The following RARB variants were observed in gnomAD, a reference collection of about 807,000 sequenced individuals.
RARB encodes the protein retinoic acid receptor beta, also known as HBV-activated protein.
RARB carries 17 observed loss-of-function variants against 51.9 expected under a neutral mutation model. That is an observed-to-expected ratio of 0.33 (90% confidence interval 0.22 to 0.49). The LOEUF (loss-of-function observed/expected upper bound fraction) is 0.49, where lower values mean the gene tolerates loss of function less well. Among genes scored for constraint, RARB ranks in the 20% least tolerant of loss-of-function variants. The probability of loss-of-function intolerance (pLI) is 0.99; values close to 1 mark genes in which losing one functional copy is unlikely to be tolerated. For synonymous variants in RARB, 215 were observed against 195.4 expected (o/e 1.10, Z -0.84); for missense variants, 369 against 550.8 (o/e 0.67, Z 3.30).
intron 3 of RARB, among the ~76,000 whole-genome samples, chr3:25,091,730 T>C (rs1699202944): frequency 6.6e-6 from 1 of 152,150 alleles, no homozygotes; most frequent in Non-Finnish European, 1.5e-5. Flanking sequence ...AACTGAAATG[T>C]GAACATCTGT....
intron 5 of RARB, among the ~76,000 whole-genome samples, chr3:25,227,842 C>T (rs1358565643): frequency 6.6e-6 from 1 of 152,060 alleles, no homozygotes; most frequent in Non-Finnish European, 1.5e-5. Flanking sequence ...GTTCCATTAT[C>T]CCAGCCAGGT....
intron 3 of RARB, among the ~76,000 whole-genome samples, chr3:25,550,269 G>A (rs1217148351): frequency 6.6e-6 from 1 of 152,188 alleles, no homozygotes; most frequent in Non-Finnish European, 1.5e-5. Flanking sequence ...AGGAAAAGGA[G>A]TATGTGTGTC....
intron 2 of RARB, among the ~76,000 whole-genome samples, chr3:25,010,217 G>T (rs1458846104): frequency 6.6e-6 from 1 of 151,976 alleles, no homozygotes; most frequent in Non-Finnish European, 1.5e-5. Context: ...ATCAGATTTT[G>T]TATCTTAAAT....
intron 2 of RARB, among the ~76,000 whole-genome samples, chr3:24,977,225 G>T (rs1696537080): frequency 6.6e-6 from 1 of 152,116 alleles, no homozygotes; most frequent in African/African-American, 2.4e-5. Flanking sequence ...TTTTGCTCAG[G>T]ATTGACTTGG....
intron 2 of RARB, among the ~76,000 whole-genome samples, chr3:25,490,719 A>G (rs112275048): frequency 0.056 from 8,518 of 152,264 alleles, 303 homozygotes; most frequent in Non-Finnish European, 0.083. Context: ...CAATAAAATA[A>G]TTGAAAATTT....
chr3:25,007,591 T>TAAAAAAAA (rs1697298957), intron 2 of RARB, among the ~76,000 whole-genome samples: 1 of 17,338 alleles, frequency 5.8e-5, no homozygotes, highest in Non-Finnish European at 9.0e-5. Context: ...TGAGACTGTC[T>TAAAAAAAA]CAAAAAAAAA....
chr3:25,417,386 A>T (rs1707732383), intron 5 of RARB, among the ~76,000 whole-genome samples: 1 of 152,090 alleles, frequency 6.6e-6, no homozygotes, highest in Non-Finnish European at 1.5e-5. Flanking sequence ...CCCTACCCAG[A>T]TCTCATCTTG....
intron 5 of RARB, among the ~76,000 whole-genome samples, chr3:25,278,729 T>G (rs1703452208): frequency 6.6e-6 from 1 of 152,198 alleles, no homozygotes; most frequent in Non-Finnish European, 1.5e-5. Flanking sequence ...AATTTGCATG[T>G]GTACCATATT....
chr3:25,021,931 T>C (rs1039362958), intron 2 of RARB, among the ~76,000 whole-genome samples: 1 of 152,144 alleles, frequency 6.6e-6, no homozygotes, highest in Non-Finnish European at 1.5e-5. Flanking sequence ...ATTTGATAAA[T>C]ACTGAGTTAG....
intron 2 of RARB, among the ~76,000 whole-genome samples, chr3:25,500,005 T>A (rs187239104): frequency 2.0e-5 from 3 of 152,336 alleles, no homozygotes. Context: ...CAAACAAAGT[T>A]ATATTTCCTG....
intron 4 of RARB, among the ~76,000 whole-genome samples, chr3:25,138,359 A>C (rs965069604): frequency 6.6e-6 from 1 of 151,654 alleles, no homozygotes; most frequent in African/African-American, 2.4e-5. Flanking sequence ...TTGGTAGCCA[A>C]AGGAAAATCC....
intron 2 of RARB, among the ~76,000 whole-genome samples, chr3:24,895,106 C>T (rs935530321): frequency 1.3e-5 from 2 of 152,072 alleles, no homozygotes; most frequent in African/African-American, 4.8e-5. Context: ...CTATTGATTA[C>T]CAGGTGATAT....
At chr3:25,286,208 C>T (rs7623731) in intron 5 of RARB, among the ~76,000 whole-genome samples, 4,721 of 151,542 alleles carry the variant, frequency 0.031, 113 homozygotes, top group Non-Finnish European at 0.049. Flanking sequence ...CCTGCCTCGG[C>T]CTCCCAAGTA....
intron 5 of RARB, among the ~76,000 whole-genome samples, chr3:25,278,973 A>G (rs73820407): frequency 0.047 from 7,204 of 152,204 alleles, 581 homozygotes; most frequent in African/African-American, 0.16. Flanking sequence ...TTAAACCCTA[A>G]AAGATTGTGC....
At chr3:24,983,091 A>G (rs895859807) in intron 2 of RARB, among the ~76,000 whole-genome samples, 15 of 152,174 alleles carry the variant, frequency 9.9e-5, no homozygotes, top group Admixed American at 3.3e-4. Flanking sequence ...TTTGCATGTC[A>G]CTGATAGTAG....
chr3:25,314,088 A>C (rs1704356033), intron 5 of RARB, among the ~76,000 whole-genome samples: 1 of 152,054 alleles, frequency 6.6e-6, no homozygotes, highest in Non-Finnish European at 1.5e-5. Flanking sequence ...AAAAAAAATT[A>C]ATTAATTTTT....
At chr3:25,033,003 A>G (rs6798254) in intron 2 of RARB, among the ~76,000 whole-genome samples, 1 of 152,226 alleles carries the variant, frequency 6.6e-6, no homozygotes, top group Non-Finnish European at 1.5e-5. Flanking sequence ...CTCATCACAC[A>G]TCAACTTAAG....
intron 4 of RARB, 23 bp from the exon 5 acceptor site, chr3:25,580,523 A>C: frequency 1.3e-6 from 2 of 1,540,966 alleles, no homozygotes; most frequent in African/African-American, 1.4e-5. Context: ...ACTGTATCTG[A>C]TGACATTTTC....
At chr3:25,272,990 A>G (rs1219541664) in intron 5 of RARB, among the ~76,000 whole-genome samples, 2 of 152,114 alleles carry the variant, frequency 1.3e-5, no homozygotes, top group African/African-American at 4.8e-5. Flanking sequence ...CTGTGGAGGG[A>G]AATCTTTTTT....
Sources: gnomAD v4.1 joint callset for allele counts (sites outside exome capture counted in the v4.1 genomes callset) on GRCh38, gnomAD v4.1.1 for gene constraint, MANE v1.5 for transcripts, NCBI Gene and HGNC (gene_info 2026-07-23, HGNC 2026-07-21) for gene names.